IPO13: variants seen among roughly 807,000 people sequenced by gnomAD.
IPO13 encodes the protein importin-13.
Under a neutral mutation model 115.5 loss-of-function variants are expected in IPO13, and 28 were observed. The ratio of observed to expected loss-of-function variants is 0.24; its 90% CI spans 0.18 to 0.33. IPO13 has a LOEUF of 0.33. IPO13 is among the 10% of genes least tolerant of loss of function. IPO13 has a pLI of 1.00. For missense variants in IPO13, 785 were observed against 1,204.6 expected, an observed-to-expected ratio of 0.65 and a Z score of 5.16; for synonymous variants, 414 against 478.9, an observed-to-expected ratio of 0.86 and a Z score of 1.77.
chr1:43,956,335 C>T lies in IPO13; in HGVS notation c.837C>T (p.Leu279=). 1 of 1,614,208 alleles carries T rather than the reference C, an allele frequency of 6.2e-7. No homozygotes were observed. Among genetic ancestry groups the T allele is most frequent in the Non-Finnish European group, 8.5e-7 (1 of 1,180,040 alleles). ...ATGCCTCTAGGTACGTGAACACACT[C>T]CTGAAACTCATCCCGCTGGTGCTGG... ...QPDAQRYVNT[L]LKLIPLVLGL... is the part of the protein sequence containing the mutation. The change falls in exon 3 of 20, where the codon CTC becomes CTT. Residue 279 remains leucine (L), a synonymous_variant. Coordinates refer to ENST00000372343, the MANE Select transcript of IPO13 (RefSeq NM_014652.4). This position sits in a 1 kb window ranked among gnomAD's most constrained non-coding sequence, Gnocchi z 4.7.
intron 2 of IPO13, 83 bp downstream of exon 2, chr1:43,950,236 T>C (rs2085199201): frequency 2.0e-6 from 3 of 1,463,718 alleles, no homozygotes; most frequent in South Asian, 2.7e-5. Flanking sequence ...TAAACATTAA[T>C]TGAATGTGTA....
In IPO13 at chr1:43,947,624, G is replaced by GGGGGCTGCA. The variant is rs2085176602; in HGVS notation, c.32_40dup (p.Ala11_Ala13dup). The GGGGGCTGCA allele has an allele frequency of 7.5e-7, 1 of 1,325,694 alleles. No homozygotes were observed. Among genetic ancestry groups the GGGGGCTGCA allele is most frequent in the East Asian group, 3.1e-5 (1 of 32,588 alleles). 82.1% of individuals were successfully genotyped at this position (1,325,694 alleles called of 1,614,324 possible). A position where few individuals can be genotyped will look rare whatever the true frequency, so the allele number is the denominator to read the frequency against. ...AGATGGAGCGGCGGGAGGAGCAGCCGGGGGCTGCAGGGGCTGGAGCAGCAC... is the reference window on the plus strand; with the variant it reads ...AGATGGAGCGGCGGGAGGAGCAGCCGGGGGCTGCAGGGGCTGCAGGGGCTGGAGCAGCAC... On this transcript the variant is annotated inframe_insertion, in exon 1 of 20. Transcript: ENST00000372343.
chr1:43,963,608 C>T (rs2085303768), intron 14 of IPO13, among the ~76,000 whole-genome samples: 1 of 152,208 alleles, frequency 6.6e-6, no homozygotes, highest in South Asian at 2.1e-4. Context: ...ACTGTTTCCT[C>T]CTCTGGGCCC....
Position 43,958,394 on chromosome 1 carries a change from G to A in IPO13, c.1750-67G>A. On this transcript the variant is annotated intron_variant, in intron 9 of 19. Transcript: ENST00000372343. This position sits in a 1 kb window ranked among gnomAD's most constrained non-coding sequence, Gnocchi z 6.3. ...TTCTCTGTTTTTCTTCTCCCAAGAG[G>A]CTCATTTTCCTTCCTACCCCACAAC... The A allele has an allele frequency of 1.2e-6, 2 of 1,611,262 alleles. No homozygotes were observed. Among genetic ancestry groups the A allele is most frequent in the Non-Finnish European group, 1.7e-6 (2 of 1,178,426 alleles).
chr1:43,961,338 G>A, intron 14 of IPO13, 76 bp downstream of exon 14: 1 of 1,188,868 alleles, frequency 8.4e-7, no homozygotes. Context: ...AGCCAAAGCT[G>A]CCCACTCTGT....
rs2085280310 is a variant in IPO13, at chr1:43,960,260, G to T, written c.2040G>T (p.Val680=). ...VPQGPNPVVV[V]LQQVFQLIQK... ...TCCTGTGCCTTCAGGTGGTGGTGGT[G>T]CTGCAGCAGGTCTTCCAGCTTATCC... Residue 680 remains valine, a synonymous_variant, in exon 12 of 20, where the codon GTG becomes GTT. Coordinates refer to ENST00000372343, the MANE Select transcript of IPO13 (RefSeq NM_014652.4). The T allele has an allele frequency of 6.2e-7, 1 of 1,614,146 alleles. No individual in the cohort carries two copies. The highest frequency in any genetic ancestry group is 8.5e-7 in the Non-Finnish European group (1 of 1,180,018).
At chr1:43,965,639 T>A (rs2085317468) in intron 15 of IPO13, among the ~76,000 whole-genome samples, 1 of 151,848 alleles carries the variant, frequency 6.6e-6, no homozygotes, top group African/African-American at 2.4e-5. Context: ...GTTTGGTGTA[T>A]GACTGTGTAA....
At position 43,967,394 on chromosome 1, in the gene IPO13, G is replaced by A. The variant is rs963420189; in HGVS notation, c.2693G>A (p.Ser898Asn). 6.2e-7 allele frequency: 1 copy of A among 1,614,176 alleles called. No individual in the cohort carries two copies. Among genetic ancestry groups the A allele is most frequent in the Non-Finnish European group, 8.5e-7 (1 of 1,180,030 alleles). The stretch of plus-strand genomic sequence containing the variant: ...TTCGCCCTGAACAAGCACTGCTTCA[G>A]CCTCCTGAGCATGTGGATCAAGGAG... The part of the protein sequence containing the change: ...ILFALNKHCF[S>N]LLSMWIKEAL... The change falls in exon 19 of 20, where the codon AGC becomes AAC. Residue 898 changes from serine to asparagine, a missense_variant. Physicochemically the swap from Ser to Asn is conservative, Grantham distance 46. Around this residue, in one of 3 missense-constraint regions of IPO13, gnomAD observed 285 missense variants for 394.8 expected, o/e 0.72. Transcript: ENST00000372343. The surrounding 1 kb of genome is among the most constrained non-coding windows in gnomAD (Gnocchi z 6.1).
chr1:43,947,018 G>T lies in IPO13; in HGVS notation c.-583G>T. The T allele has an allele frequency of 2.5e-6, 1 of 398,710 alleles. No individual in the cohort carries two copies. The highest frequency in any genetic ancestry group is 4.4e-6 in the Non-Finnish European group (1 of 226,104). The allele number at this position is 398,710 out of a possible 1,614,324, so 24.7% of individuals were successfully genotyped here. A position where few individuals can be genotyped will look rare whatever the true frequency, so the allele number is the denominator to read the frequency against. The stretch of plus-strand genomic sequence containing the variant: ...GGGCTGTAGCCGGGCGTTGAGCACA[G>T]CGCGGGCCAGGCCGAACGGAAGGGA... On this transcript the variant is annotated 5_prime_UTR_variant, in exon 1 of 20. Coordinates refer to ENST00000372343, the MANE Select transcript of IPO13 (RefSeq NM_014652.4).
At position 43,947,007 on chromosome 1, in the gene IPO13, C is replaced by T. The variant is rs879669626; in HGVS notation, c.-594C>T. On this transcript the variant is annotated 5_prime_UTR_variant, in exon 1 of 20. Transcript: ENST00000372343. ...CGGCTGTAGCGGGGCTGTAGCCGGG[C>T]GTTGAGCACAGCGCGGGCCAGGCCG... 1.1e-4 allele frequency: 44 copies of T among 398,622 alleles called. No individual in the cohort carries two copies. Among genetic ancestry groups the T allele is most frequent in the Non-Finnish European group, 1.6e-4 (36 of 226,152 alleles). The allele number at this position is 398,622 out of a possible 1,614,324, so 24.7% of individuals were successfully genotyped here. A position where few individuals can be genotyped will look rare whatever the true frequency, so the allele number is the denominator to read the frequency against.
In IPO13 at chr1:43,949,424, A is replaced by G; in HGVS notation, c.92A>G (p.His31Arg). Residue 31 changes from histidine (H) to arginine (R), a missense_variant, in exon 2 of 20, where the codon CAC becomes CGC. Around this residue, in one of 3 missense-constraint regions of IPO13, gnomAD observed 325 missense variants for 449.8 expected, o/e 0.72. Coordinates refer to ENST00000372343, the MANE Select transcript of IPO13 (RefSeq NM_014652.4). Reference protein sequence around the residue: ...FTVENVEKALHQLYYDPNIEN... With the variant: ...FTVENVEKALRQLYYDPNIEN... ...TCCTGTGCTGTCCTGCAGGCGCTGC[A>G]CCAGCTCTACTATGATCCCAACATT... The G allele has an allele frequency of 6.2e-7, 1 of 1,603,210 alleles. No individual in the cohort carries two copies. The highest frequency in any genetic ancestry group is 8.5e-7 in the Non-Finnish European group (1 of 1,173,280).
chr1:43,958,728 G>C lies in IPO13; in HGVS notation c.1885-18G>C, dbSNP rs1254937312. On this transcript the variant is annotated intron_variant, in intron 10 of 19. Transcript: ENST00000372343. The surrounding 1 kb of genome is among the most constrained non-coding windows in gnomAD (Gnocchi z 6.3). Reference sequence around the variant, plus strand: ...CTGGGGCTGGGAGATCTGGAGCTTGGTTTGCTTCTCCCTGCAGCCCAATCC... The same window carrying C: ...CTGGGGCTGGGAGATCTGGAGCTTGCTTTGCTTCTCCCTGCAGCCCAATCC... 1 of 1,614,024 alleles carries C rather than the reference G, an allele frequency of 6.2e-7. No individual in the cohort carries two copies. The highest frequency in any genetic ancestry group is 1.6e-4 in the Middle Eastern group (1 of 6,062).
intron 2 of IPO13, among the ~76,000 whole-genome samples, 169 bp downstream of exon 2, chr1:43,950,322 G>A (rs1246771445): frequency 1.3e-5 from 2 of 152,224 alleles, no homozygotes; most frequent in Non-Finnish European, 2.9e-5. Context: ...GGTTCAGACA[G>A]GGAGGCAGAC....
chr1:43,955,579 C>G (rs2085238614), intron 2 of IPO13, among the ~76,000 whole-genome samples: 1 of 152,196 alleles, frequency 6.6e-6, no homozygotes, highest in Non-Finnish European at 1.5e-5. Context: ...ACTCCACTCT[C>G]TACTTTCATC....
intron 5 of IPO13, 105 bp downstream of exon 5, chr1:43,957,081 G>C: frequency 6.4e-7 from 1 of 1,562,314 alleles, no homozygotes. Context: ...GCTCCTTTCT[G>C]TTTTCTAGGT....
Position 43,967,893 on chromosome 1 carries a change from G to A in IPO13, c.*211G>A. The stretch of plus-strand genomic sequence containing the variant: ...GGGAACATCCTCTAGCTCCCAGGTT[G>A]GAAGAGATACTACTGTAGCCAAGCC... On this transcript the variant is annotated 3_prime_UTR_variant, in exon 20 of 20. Coordinates refer to ENST00000372343, the MANE Select transcript of IPO13 (RefSeq NM_014652.4). This position sits in a 1 kb window ranked among gnomAD's most constrained non-coding sequence, Gnocchi z 6.1. The A allele has an allele frequency of 1.7e-6, 1 of 604,858 alleles. No individual in the cohort carries two copies. Among genetic ancestry groups the A allele is most frequent in the South Asian group, 2.0e-5 (1 of 50,988 alleles). The allele number at this position is 604,858 out of a possible 1,614,324, so 37.5% of individuals were successfully genotyped here. A position where few individuals can be genotyped will look rare whatever the true frequency, so the allele number is the denominator to read the frequency against.
intron 1 of IPO13, 34 bp downstream of exon 1, chr1:43,947,718 A>G: frequency 1.7e-6 from 2 of 1,183,938 alleles, no homozygotes; most frequent in Non-Finnish European, 2.2e-6. Context: ...CTCCAGTGAC[A>G]GAGCAGAAGT....
rs754770542 is a variant in IPO13 at position 43,967,465 on chromosome 1, C to G, written c.2764C>G (p.Gln922Glu). The part of the protein sequence containing the change: ...GFPSARLSPE[Q>E]KDTFSQQILR... ...CCCCTCTGCCCGCCTCAGCCCTGAA[C>G]AGAAGGATACCTTCAGCCAGCAGAT... Residue 922 changes from glutamine to glutamate, a missense_variant, in exon 19 of 20, where the codon CAG becomes GAG. Physicochemically the swap from Gln to Glu is conservative, Grantham distance 29. This residue lies in a region of IPO13 where 285 missense variants were observed against 394.8 expected (regional missense o/e 0.72). Coordinates refer to ENST00000372343, the MANE Select transcript of IPO13 (RefSeq NM_014652.4). This position sits in a 1 kb window ranked among gnomAD's most constrained non-coding sequence, Gnocchi z 6.1. The G allele has an allele frequency of 6.2e-7, 1 of 1,614,174 alleles. No individual in the cohort carries two copies. Among genetic ancestry groups the G allele is most frequent in the African/African-American group, 1.3e-5 (1 of 75,066 alleles).
chr1:43,956,623 C>A lies in IPO13; in HGVS notation c.1026C>A (p.Phe342Leu), dbSNP rs752082142. 6.2e-7 allele frequency: 1 copy of A among 1,614,218 alleles called. No individual in the cohort carries two copies. The highest frequency in any genetic ancestry group is 8.5e-7 in the Non-Finnish European group (1 of 1,180,028). ...TGGCACTCGTCAACATGATTATGTT[C>A]TGCACAGGCATCCCTGGCCACTATC... is the stretch of plus-strand genomic sequence containing the variant. ...SFLALVNMIM[F>L]CTGIPGHYPV... Residue 342 changes from phenylalanine to leucine, a missense_variant, in exon 4 of 20, where the codon TTC becomes TTA. Physicochemically the swap from Phe to Leu is conservative, Grantham distance 22 (BLOSUM62 0). Around this residue, in one of 3 missense-constraint regions of IPO13, gnomAD observed 325 missense variants for 449.8 expected, o/e 0.72. Transcript: ENST00000372343. The surrounding 1 kb of genome is among the most constrained non-coding windows in gnomAD (Gnocchi z 4.7).
Sources: allele counts gnomAD v4.1 joint callset (sites outside exome capture counted in the v4.1 genomes callset), GRCh38; gene constraint gnomAD v4.1.1; regional missense constraint gnomAD v4.1.1; non-coding constraint Gnocchi (gnomAD v3.1); transcripts MANE v1.5; gene names NCBI Gene and HGNC (gene_info 2026-07-23, HGNC 2026-07-21).